ARHGAP42: variants seen among roughly 807,000 people sequenced by gnomAD.
ARHGAP42 encodes Rho GTPase activating protein 42.
Under a neutral mutation model 125.0 loss-of-function variants are expected in ARHGAP42, and 63 were observed. That is an observed-to-expected ratio of 0.50 (90% CI 0.41 to 0.62). The LOEUF (loss-of-function observed/expected upper bound fraction) is 0.62. Ranked by LOEUF, ARHGAP42 falls within the 20% of genes least tolerant of loss-of-function variation. The probability of loss-of-function intolerance (pLI) is 0.00; values close to 1 mark genes in which losing one functional copy is unlikely to be tolerated. For missense variants in ARHGAP42, 766 were observed against 1,024.2 expected (o/e 0.75, Z 3.44); for synonymous variants, 339 against 351.0 (o/e 0.97, Z 0.38).
intron 12 of ARHGAP42, 113 bp from the exon 13 acceptor site, chr11:100,959,770 C>A: frequency 1.0e-6 from 1 of 957,788 alleles, no homozygotes. Flanking sequence ...ATTTGGAAGA[C>A]TCAGAAAAAA....
At chr11:100,904,849 G>A (rs1422720333) in intron 4 of ARHGAP42, among the ~76,000 whole-genome samples, 1 of 152,172 alleles carries the variant, frequency 6.6e-6, no homozygotes, top group Non-Finnish European at 1.5e-5. Context: ...CATAAAATGA[G>A]GATTTATTAT....
chr11:100,758,607 G>A (rs1862629067), intron 1 of ARHGAP42, among the ~76,000 whole-genome samples: 1 of 152,114 alleles, frequency 6.6e-6, no homozygotes, highest in Non-Finnish European at 1.5e-5. Context: ...TTTAGTAACT[G>A]AGAGCAAATA....
intron 18 of ARHGAP42, 85 bp downstream of exon 18, chr11:100,973,419 G>C: frequency 7.3e-7 from 1 of 1,369,884 alleles, no homozygotes; most frequent in South Asian, 1.4e-5. Context: ...GAGCTCATGA[G>C]TTTTGTATAA....
At chr11:100,980,011 T>A (rs1858490888) in intron 22 of ARHGAP42, among the ~76,000 whole-genome samples, 1 of 152,220 alleles carries the variant, frequency 6.6e-6, no homozygotes, top group South Asian at 2.1e-4. Flanking sequence ...GGGCATGTGA[T>A]AGTTATTAAG....
At chr11:100,771,435 G>C (rs570826005) in intron 2 of ARHGAP42, among the ~76,000 whole-genome samples, 2 of 152,026 alleles carry the variant, frequency 1.3e-5, no homozygotes, top group African/African-American at 4.8e-5. Flanking sequence ...TTGTAGGCTG[G>C]ATTAGAGATA....
intron 4 of ARHGAP42, among the ~76,000 whole-genome samples, chr11:100,864,471 C>T (rs1220854155): frequency 3.9e-5 from 6 of 152,184 alleles, no homozygotes; most frequent in Admixed American, 6.5e-5. Context: ...CGTGAGCCAC[C>T]GCACCTGGCC....
intron 3 of ARHGAP42, among the ~76,000 whole-genome samples, chr11:100,798,180 T>C (rs1302107763): frequency 6.6e-6 from 1 of 152,248 alleles, no homozygotes; most frequent in Non-Finnish European, 1.5e-5. Context: ...CTGTGAATAT[T>C]GTTGAAATAA....
intron 6 of ARHGAP42, among the ~76,000 whole-genome samples, chr11:100,930,230 G>GA (rs1278362958): frequency 6.6e-6 from 1 of 152,186 alleles, no homozygotes; most frequent in Admixed American, 6.5e-5. Flanking sequence ...ATTCACCAAA[G>GA]AAAATGATAT....
At chr11:100,866,049 C>CACTG (rs1865561503) in intron 4 of ARHGAP42, among the ~76,000 whole-genome samples, 1 of 152,226 alleles carries the variant, frequency 6.6e-6, no homozygotes, top group African/African-American at 2.4e-5. Context: ...TTCCCTCAAA[C>CACTG]ACTGCTTCTG....
chr11:100,793,654 T>G (rs971697378), intron 2 of ARHGAP42, among the ~76,000 whole-genome samples: 2 of 145,478 alleles, frequency 1.4e-5, no homozygotes, highest in African/African-American at 5.4e-5. Context: ...ATGAGTTCTT[T>G]TGATTTGTTT....
intron 1 of ARHGAP42, among the ~76,000 whole-genome samples, chr11:100,765,637 A>G (rs1862812442): frequency 6.6e-6 from 1 of 152,216 alleles, no homozygotes; most frequent in South Asian, 2.1e-4. Flanking sequence ...GTTATGATTA[A>G]TTACATGCCT....
At chr11:100,956,806 T>C (rs1857816282) in intron 12 of ARHGAP42, among the ~76,000 whole-genome samples, 1 of 152,148 alleles carries the variant, frequency 6.6e-6, no homozygotes, top group African/African-American at 2.4e-5. Flanking sequence ...CTGATCTATG[T>C]CTGTTTGAAG....
intron 3 of ARHGAP42, among the ~76,000 whole-genome samples, chr11:100,845,595 A>G (rs761372000): frequency 6.6e-6 from 1 of 152,188 alleles, no homozygotes; most frequent in Non-Finnish European, 1.5e-5. Flanking sequence ...AATAAAGGCC[A>G]GACAAAGCCT....
At chr11:100,698,441 A>G (rs531433843) in intron 1 of ARHGAP42, among the ~76,000 whole-genome samples, 1 of 152,346 alleles carries the variant, frequency 6.6e-6, no homozygotes, top group South Asian at 2.1e-4. Flanking sequence ...ACTGTACTCC[A>G]GCCTGGGCCA....
At chr11:100,771,637 C>A (rs955111331) in intron 2 of ARHGAP42, among the ~76,000 whole-genome samples, 6 of 151,492 alleles carry the variant, frequency 4.0e-5, no homozygotes, top group Non-Finnish European at 8.8e-5. Flanking sequence ...CTTGCTCTGT[C>A]GCCCAGGCTG....
At chr11:100,875,234 A>G (rs908753590) in intron 4 of ARHGAP42, among the ~76,000 whole-genome samples, 61 of 144,410 alleles carry the variant, frequency 4.2e-4, no homozygotes, top group African/African-American at 1.5e-3. Context: ...TTTATTTTTT[A>G]TTTATTTTTT....
intron 3 of ARHGAP42, among the ~76,000 whole-genome samples, chr11:100,802,033 T>C (rs1863865918): frequency 6.6e-6 from 1 of 152,228 alleles, no homozygotes; most frequent in African/African-American, 2.4e-5. Flanking sequence ...GAAGGTGTCA[T>C]TGATTAGGTG....
At chr11:100,843,113 A>G (rs1254359323) in intron 3 of ARHGAP42, among the ~76,000 whole-genome samples, 3 of 152,144 alleles carry the variant, frequency 2.0e-5, no homozygotes, top group African/African-American at 7.2e-5. Context: ...AAGAAGCTCA[A>G]ATAGAAACAA....
At chr11:100,974,317 C>A in intron 18 of ARHGAP42, 142 bp from the exon 19 acceptor site, 1 of 719,420 alleles carries the variant, frequency 1.4e-6, no homozygotes, top group Non-Finnish European at 2.1e-6. Flanking sequence ...AAGAATACTC[C>A]AGATAAATGG....
Sources: allele counts gnomAD v4.1 joint callset (sites outside exome capture counted in the v4.1 genomes callset), GRCh38; gene constraint gnomAD v4.1.1; transcripts MANE v1.5; gene names NCBI Gene and HGNC (gene_info 2026-07-23, HGNC 2026-07-21).